DOCK2: variants seen among roughly 807,000 people sequenced by gnomAD.
DOCK2 encodes the protein dedicator of cytokinesis 2.
In DOCK2, 87 loss-of-function variants were observed where a neutral mutation model predicts 248.9. That is an observed-to-expected ratio of 0.35 (90% confidence interval 0.29 to 0.42). The LOEUF (loss-of-function observed/expected upper bound fraction) is 0.42, where lower values mean the gene tolerates loss of function less well. DOCK2 is among the 10% of genes least tolerant of loss of function. The pLI, the probability that DOCK2 is intolerant of heterozygous loss-of-function variation, is 1.00. For missense variants in DOCK2, 1,747 were observed against 2,300.2 expected (o/e 0.76, Z 4.92); for synonymous variants, 805 against 821.6 (o/e 0.98, Z 0.35).
intron 25 of DOCK2, among the ~76,000 whole-genome samples, chr5:169,795,951 G>A (rs1766623412): frequency 6.6e-6 from 1 of 152,190 alleles, no homozygotes; most frequent in Non-Finnish European, 1.5e-5. Context: ...CAGTCAATAG[G>A]AACTTGGCCA....
intron 27 of DOCK2, among the ~76,000 whole-genome samples, chr5:169,971,718 G>T (rs184753974): frequency 6.6e-6 from 1 of 152,196 alleles, no homozygotes; most frequent in Non-Finnish European, 1.5e-5. Context: ...AGCAGAGCTG[G>T]CCTGAAGGCA....
At chr5:169,853,219 T>TTC (rs1770706342) in intron 27 of DOCK2, among the ~76,000 whole-genome samples, 1 of 152,352 alleles carries the variant, frequency 6.6e-6, no homozygotes, top group Middle Eastern at 3.4e-3. Flanking sequence ...GAACTGTAAG[T>TTC]CCAATAGGCC....
At chr5:169,715,008 G>A (rs1274587592) in intron 19 of DOCK2, among the ~76,000 whole-genome samples, 1 of 152,056 alleles carries the variant, frequency 6.6e-6, no homozygotes, top group Non-Finnish European at 1.5e-5. Context: ...TGATCTGTTA[G>A]TACTACCCAC....
At chr5:169,806,029 T>C (rs914374820) in intron 26 of DOCK2, among the ~76,000 whole-genome samples, 2 of 152,220 alleles carry the variant, frequency 1.3e-5, no homozygotes, top group African/African-American at 4.8e-5. Flanking sequence ...TCACCTCTCC[T>C]GCTCATGAAG....
chr5:169,921,341 T>A (rs1775164372), intron 27 of DOCK2, among the ~76,000 whole-genome samples: 2 of 152,206 alleles, frequency 1.3e-5, no homozygotes, highest in Admixed American at 1.3e-4. Flanking sequence ...AATCTTTATT[T>A]GTATTTACTA....
At chr5:169,702,693 G>GTATT (rs1377972827) in intron 14 of DOCK2, 62 of 237,322 alleles carry the variant, frequency 2.6e-4, no homozygotes, top group East Asian at 4.3e-4. Context: ...ATGTATGTAT[G>GTATT]TATGTATTTA....
intron 25 of DOCK2, among the ~76,000 whole-genome samples, chr5:169,794,104 G>A (rs1416119733): frequency 6.6e-6 from 1 of 151,962 alleles, no homozygotes; most frequent in Non-Finnish European, 1.5e-5. Flanking sequence ...GGCTGCCCTC[G>A]GGCTGCAGGA....
At chr5:169,914,976 C>T (rs559704398) in intron 27 of DOCK2, among the ~76,000 whole-genome samples, 2 of 152,262 alleles carry the variant, frequency 1.3e-5, no homozygotes, top group Non-Finnish European at 2.9e-5. Context: ...CAAAGAGAAT[C>T]TGCCTGACCC....
chr5:170,019,979 G>A (rs1163991619), intron 33 of DOCK2, among the ~76,000 whole-genome samples: 1 of 151,894 alleles, frequency 6.6e-6, no homozygotes, highest in Admixed American at 6.6e-5. Flanking sequence ...CTTAAAATGG[G>A]TACTTAAAAG....
intron 6 of DOCK2, among the ~76,000 whole-genome samples, chr5:169,677,438 T>C (rs1315842599): frequency 6.6e-6 from 1 of 152,178 alleles, no homozygotes; most frequent in Non-Finnish European, 1.5e-5. Context: ...TGATGTAAAG[T>C]GCCAAGTTTC....
At chr5:169,710,659 C>G (rs770349063) in intron 15 of DOCK2, among the ~76,000 whole-genome samples, 1 of 152,174 alleles carries the variant, frequency 6.6e-6, no homozygotes, top group African/African-American at 2.4e-5. Flanking sequence ...GGCTCTGACT[C>G]CAAACACAAG....
intron 23 of DOCK2, 35 bp downstream of exon 23, chr5:169,747,539 T>A: frequency 6.4e-7 from 1 of 1,556,018 alleles, no homozygotes; most frequent in South Asian, 1.1e-5. Flanking sequence ...TATCTTCTCC[T>A]TGGCCATCCA....
chr5:169,709,710 G>C (rs945708872), intron 15 of DOCK2, among the ~76,000 whole-genome samples: 5 of 151,878 alleles, frequency 3.3e-5, no homozygotes, highest in African/African-American at 4.8e-5. Flanking sequence ...GACAGTGCGA[G>C]ACTCCTTCTC....
Position 170,077,714 on chromosome 5 carries a change from A to C in DOCK2, c.4871A>C (p.Asp1624Ala). 16 of 1,613,652 alleles carry C rather than the reference A, an allele frequency of 9.9e-6. No homozygotes were observed. The highest frequency in any genetic ancestry group is 1.4e-5 in the Non-Finnish European group (16 of 1,179,798). Residue 1624 changes from aspartate to alanine, a missense_variant, in exon 48 of 52, where the codon GAC (aspartate) becomes GCC (alanine). Coordinates refer to ENST00000520908, the MANE Select transcript of DOCK2 (RefSeq NM_004946.3). ...CACCCTGTTCTCCCACCACAGCCTGACTTTGACGACAGGAGAGTGGGCCGT... is the reference window on the plus strand; with the variant it reads ...CACCCTGTTCTCCCACCACAGCCTGCCTTTGACGACAGGAGAGTGGGCCGT... ...EKEYGVREMP[D>A]FDDRRVGRPR...
intron 8 of DOCK2, among the ~76,000 whole-genome samples, chr5:169,686,559 A>G (rs761052394): frequency 1.9e-4 from 29 of 152,192 alleles, no homozygotes; most frequent in African/African-American, 5.1e-4. Flanking sequence ...AAGAGGCACA[A>G]TGCAGGAAGG....
intron 1 of DOCK2, among the ~76,000 whole-genome samples, chr5:169,653,818 G>C (rs915916571): frequency 6.6e-6 from 1 of 152,214 alleles, no homozygotes; most frequent in Non-Finnish European, 1.5e-5. Context: ...TTGGTTACTG[G>C]TTATGGAGCA....
chr5:169,831,407 G>A lies in DOCK2; in HGVS notation c.2704-9350G>A, dbSNP rs182727962. On this transcript the variant is annotated intron_variant, in intron 26 of 51. Transcript: ENST00000520908. ...GCTGCGTTTAGGTATTATAAACAAT[G>A]CAATATGCTACAAGCAGCTGTGCAC... is the stretch of plus-strand genomic sequence containing the variant. 1.7e-3 allele frequency among the ~76,000 whole-genome samples: 261 copies of A among 152,276 alleles called. 2 individuals carry two copies. The highest frequency in any genetic ancestry group is 0.01 in the Middle Eastern group (3 of 294).
intron 13 of DOCK2, 162 bp from the exon 14 acceptor site, chr5:169,702,141 C>G (rs1310788117): frequency 1.3e-6 from 1 of 744,522 alleles, no homozygotes; most frequent in African/African-American, 1.8e-5. Flanking sequence ...ACTTCTCCAG[C>G]CTCCCTGATG....
intron 27 of DOCK2, among the ~76,000 whole-genome samples, chr5:169,879,645 G>T (rs568173821): frequency 4.5e-4 from 68 of 152,182 alleles, no homozygotes; most frequent in Non-Finnish European, 5.4e-4. Flanking sequence ...TTAAGTGCTA[G>T]AAAAATGCAA....
Sources: allele counts gnomAD v4.1 joint callset (sites outside exome capture counted in the v4.1 genomes callset), GRCh38; gene constraint gnomAD v4.1.1; transcripts MANE v1.5; gene names NCBI Gene and HGNC (gene_info 2026-07-23, HGNC 2026-07-21).